Variants in LARGE1 observed in about 807,000 individuals in gnomAD.
The protein encoded by LARGE1 is LARGE xylosyl- and glucuronyltransferase 1.
LARGE1 carries 43 observed loss-of-function variants against 87.6 expected under a neutral mutation model. The ratio of observed to expected loss-of-function variants is 0.49; its 90% CI spans 0.38 to 0.63. The LOEUF (loss-of-function observed/expected upper bound fraction) is 0.63, where lower values mean the gene tolerates loss of function less well. LARGE1 is among the 30% of genes least tolerant of loss of function. LARGE1 has a pLI of 0.00. For synonymous variants in LARGE1, 434 were observed against 394.6 expected (o/e 1.10, Z -1.18); for missense variants, 802 against 1,000.2 (o/e 0.80, Z 2.67).
intron 2 of LARGE1, among the ~76,000 whole-genome samples, chr22:33,673,890 C>T (rs566944476): frequency 1.3e-5 from 1 of 74,860 alleles, no homozygotes; most frequent in South Asian, 3.2e-4. Context: ...CGGGGTTTCG[C>T]CATGTTGGCC....
At chr22:33,513,465 G>T (rs2071148395) in intron 6 of LARGE1, among the ~76,000 whole-genome samples, 8 of 152,030 alleles carry the variant, frequency 5.3e-5, no homozygotes, top group Admixed American at 5.2e-4. Context: ...CTGTTATATG[G>T]CCAGGGTCCT....
chr22:33,361,435 G>A (rs942626695), intron 9 of LARGE1, among the ~76,000 whole-genome samples: 2 of 149,234 alleles, frequency 1.3e-5, no homozygotes, highest in Admixed American at 1.3e-4. Context: ...CCAGCTGTGT[G>A]CATCTATTTC....
At chr22:33,291,421 C>G (rs374719072) in intron 12 of LARGE1, among the ~76,000 whole-genome samples, 1 of 152,130 alleles carries the variant, frequency 6.6e-6, no homozygotes, top group Non-Finnish European at 1.5e-5. Context: ...CTCTATTCAG[C>G]ATTCCCTGAA....
the LARGE1 span, among the ~76,000 whole-genome samples, chr22:33,085,172 AG>A: frequency 6.6e-6 from 1 of 152,238 alleles, no homozygotes; most frequent in Non-Finnish European, 1.5e-5. Flanking sequence ...GCTGCTCGGG[AG>A]GCTGAGGCAG....
intron 2 of LARGE1, among the ~76,000 whole-genome samples, chr22:33,715,649 C>T (rs2082887373): frequency 6.6e-6 from 1 of 152,192 alleles, no homozygotes; most frequent in Admixed American, 6.5e-5. Flanking sequence ...AGAGCATCTG[C>T]CTCTGAAATA....
intron 3 of LARGE1, among the ~76,000 whole-genome samples, chr22:33,644,220 A>G (rs1023580322): frequency 4.6e-5 from 7 of 152,224 alleles, no homozygotes; most frequent in Admixed American, 2.0e-4. Flanking sequence ...ACCACTATCA[A>G]GTTGGATTCA....
intron 6 of LARGE1, among the ~76,000 whole-genome samples, chr22:33,436,419 G>C (rs1461791880): frequency 6.6e-6 from 1 of 152,162 alleles, no homozygotes; most frequent in Non-Finnish European, 1.5e-5. Flanking sequence ...TCTAAGTGTG[G>C]TCTGAGGACT....
intron 2 of LARGE1, among the ~76,000 whole-genome samples, chr22:33,758,703 T>C (rs2084613838): frequency 6.6e-6 from 1 of 152,244 alleles, no homozygotes; most frequent in Admixed American, 6.5e-5. Context: ...TGCCTTCAAA[T>C]TGACCATCAA....
rs145213314 is a variant in LARGE1, at chr22:33,834,923, T to C, written c.-82-73365A>G. On this transcript the variant is annotated intron_variant, in intron 1 of 14. Coordinates refer to ENST00000397394, the MANE Select transcript of LARGE1 (RefSeq NM_133642.5). Reference sequence around the variant, plus strand: ...CAAGGAAAAGTTTCTATCATGTTAATATGCCTCAGCGACAAAGCTACAGCT... The same window carrying C: ...CAAGGAAAAGTTTCTATCATGTTAACATGCCTCAGCGACAAAGCTACAGCT... 3.0e-3 allele frequency among the ~76,000 whole-genome samples: 463 copies of C among 152,358 alleles called. 2 individuals carry two copies. Among genetic ancestry groups the C allele is most frequent in the African/African-American group, 0.011 (448 of 41,586 alleles).
At chr22:33,199,777 G>A (rs77668489) in intron 11 of LARGE1, among the ~76,000 whole-genome samples, 4,589 of 151,766 alleles carry the variant, frequency 0.03, 95 homozygotes, top group Admixed American at 0.057. Context: ...AGTATAATTT[G>A]AAGTCAGCAT....
intron 6 of LARGE1, among the ~76,000 whole-genome samples, chr22:33,450,771 A>T (rs1297749813): frequency 6.6e-6 from 1 of 152,188 alleles, no homozygotes; most frequent in African/African-American, 2.4e-5. Context: ...GATCACACAG[A>T]TGAGTAAAGG....
rs117611597 is a variant in LARGE1 at position 33,532,280 on chromosome 22, C to T, written c.787+32568G>A. Among the ~76,000 whole-genome samples the T allele has an allele frequency of 2.7e-3, 418 of 152,312 alleles. 3 individuals carry two copies. Among genetic ancestry groups the T allele is most frequent in the Non-Finnish European group, 4.7e-3 (319 of 68,020 alleles). On this transcript the variant is annotated intron_variant, in intron 6 of 14. Transcript: ENST00000397394. ...CACCTAAAACACCTGTTCTAACCAC[C>T]TTTGAGAAATTTTTGGAGGCTACGT...
intron 6 of LARGE1, among the ~76,000 whole-genome samples, chr22:33,561,494 G>A (rs954826019): frequency 4.6e-5 from 7 of 152,198 alleles, no homozygotes; most frequent in African/African-American, 1.7e-4. Flanking sequence ...CCATACCCAT[G>A]TCCAGCTCCC....
In LARGE1 at chr22:33,277,234, G is replaced by A. The variant is rs564485464; in HGVS notation, c.1899C>T (p.Gly633=). The A allele has an allele frequency of 2.5e-5, 41 of 1,614,238 alleles. 1 individual carries two copies. In the South Asian group the frequency reaches 4.2e-4, roughly 16 times the overall value. Residue 633 remains glycine (G), a synonymous_variant, in exon 14 of 15, where the codon GGC becomes GGT. Transcript: ENST00000397394. Reference sequence around the variant, plus strand: ...ACTTGGCGAAGTTTGTGGGTGCGTGGCCTTTCGTCCAGACGTGGTACCTGA... The same window carrying A: ...ACTTGGCGAAGTTTGTGGGTGCGTGACCTTTCGTCCAGACGTGGTACCTGA... The part of the protein sequence containing the change: ...FTFRYHVWTK[G]HAPTNFAKWR...
At chr22:33,506,510 T>C (rs955800726) in intron 6 of LARGE1, among the ~76,000 whole-genome samples, 7 of 152,326 alleles carry the variant, frequency 4.6e-5, no homozygotes, top group African/African-American at 1.4e-4. Context: ...ATGATGACTC[T>C]GCATGGTCAC....
At chr22:33,342,863 T>A (rs1939315330) in intron 9 of LARGE1, among the ~76,000 whole-genome samples, 1 of 152,230 alleles carries the variant, frequency 6.6e-6, no homozygotes, top group African/African-American at 2.4e-5. Context: ...CAGCTCCCTC[T>A]GATCGGCAAG....
intron 2 of LARGE1, among the ~76,000 whole-genome samples, chr22:33,690,109 G>C (rs2082056023): frequency 6.6e-6 from 1 of 152,198 alleles, no homozygotes; most frequent in South Asian, 2.1e-4. Flanking sequence ...GGGTAAGAGA[G>C]GGTACTCTGT....
intron 1 of LARGE1, among the ~76,000 whole-genome samples, chr22:33,794,237 T>C (rs1380233153): frequency 6.6e-6 from 1 of 152,152 alleles, no homozygotes; most frequent in Non-Finnish European, 1.5e-5. Context: ...CAGCCGTCTT[T>C]TCCCAAACAC....
intron 7 of LARGE1, among the ~76,000 whole-genome samples, chr22:33,389,455 A>G (rs2065438578): frequency 6.6e-6 from 1 of 152,212 alleles, no homozygotes; most frequent in African/African-American, 2.4e-5. Flanking sequence ...CTTGTCACCC[A>G]TGTGTGACAC....
Sources: allele counts gnomAD v4.1 joint callset (sites outside exome capture counted in the v4.1 genomes callset), GRCh38; gene constraint gnomAD v4.1.1; transcripts MANE v1.5; gene names NCBI Gene and HGNC (gene_info 2026-07-23, HGNC 2026-07-21).